Variants in JAK2 observed in about 807,000 individuals in gnomAD.
The protein encoded by JAK2 is tyrosine-protein kinase JAK2.
In JAK2, 86 loss-of-function variants were observed where a neutral mutation model predicts 139.3. The ratio of observed to expected loss-of-function variants is 0.62; its 90% confidence interval spans 0.52 to 0.74. JAK2 has a LOEUF of 0.74. Ranked by LOEUF, JAK2 falls within the 30% of genes least tolerant of loss-of-function variation. The probability of loss-of-function intolerance (pLI) is 0.00; values close to 1 mark genes in which losing one functional copy is unlikely to be tolerated. For missense variants in JAK2, 1,421 were observed against 1,360.3 expected (o/e 1.04, Z -0.70); for synonymous variants, 490 against 437.7 (o/e 1.12, Z -1.49).
In JAK2 at chr9:5,027,958, G is replaced by A. The variant is rs182450793; in HGVS notation, c.227-1825G>A. Reference sequence around the variant, plus strand: ...AAATCCCTCAAAGATACCCATGAGAGCCAGAATCAGCTTCTTCCAAACTCC... The same window carrying A: ...AAATCCCTCAAAGATACCCATGAGAACCAGAATCAGCTTCTTCCAAACTCC... On this transcript the variant is annotated intron_variant, in intron 3 of 24. Coordinates refer to ENST00000381652, the MANE Select transcript of JAK2 (RefSeq NM_004972.4). Among the ~76,000 whole-genome samples, 546 of 152,296 alleles carry A rather than the reference G, an allele frequency of 3.6e-3. 4 individuals are homozygous for A. Among genetic ancestry groups the A allele is most frequent in the African/African-American group, 0.013 (524 of 41,556 alleles).
In JAK2 at chr9:5,081,806, G is replaced by A. The variant is rs747381013; in HGVS notation, c.2516G>A (p.Arg839Gln). The change falls in exon 19 of 25, where the codon CGG becomes CAG. Residue 839 changes from arginine to glutamine, a missense_variant. Physicochemically the swap from Arg to Gln is conservative, Grantham distance 43. Transcript: ENST00000381652. ...ALGFSGAFED[R>Q]DPTQFEERHL... ...GGGTTTTCTGGTGCCTTTGAAGACC[G>A]GGATCCTACACAGTTTGAAGAGAGA... 39 of 1,612,700 alleles carry A rather than the reference G, an allele frequency of 2.4e-5. No individual in the cohort carries two copies. Among genetic ancestry groups the A allele is most frequent in the Middle Eastern group, 1.6e-4 (1 of 6,082 alleles).
At position 5,054,704 on chromosome 9, in the gene JAK2, T is replaced by C. The variant is rs749775525; in HGVS notation, c.756T>C (p.Leu252=). 6.2e-7 allele frequency: 1 copy of C among 1,613,392 alleles called. No individual in the cohort carries two copies. The highest frequency in any genetic ancestry group is 1.1e-5 in the South Asian group (1 of 91,046). ...AAGCCACTGCCAGAAACTTGAAACTTAAGTATCTTATAAATCTGGAAACTC... is the reference window on the plus strand; with the variant it reads ...AAGCCACTGCCAGAAACTTGAAACTCAAGTATCTTATAAATCTGGAAACTC... ...QCKATARNLK[L]KYLINLETLQ... Residue 252 remains leucine, a synonymous_variant, in exon 7 of 25, where the codon CTT becomes CTC. Transcript: ENST00000381652. The surrounding 1 kb of genome is among the most constrained non-coding windows in gnomAD (Gnocchi z 4.9).
chr9:5,037,842 A>C (rs939337900), intron 4 of JAK2, among the ~76,000 whole-genome samples: 12 of 152,254 alleles, frequency 7.9e-5, no homozygotes, highest in Non-Finnish European at 1.5e-4. Context: ...TGTACCCTAA[A>C]ACTTAAAGTA....
Position 5,123,100 on chromosome 9 carries a change from G to T in JAK2, c.3156G>T (p.Glu1052Asp). ...VVLYELFTYI[E>D]KSKSPPAEFM... ...TGTATGAACTTTTCACATACATTGAGAAGAGTAAAAGTCCACCAGCGGTCA... is the reference window on the plus strand; with the variant it reads ...TGTATGAACTTTTCACATACATTGATAAGAGTAAAAGTCCACCAGCGGTCA... Residue 1052 changes from glutamate (E) to aspartate (D), a missense_variant, in exon 23 of 25, where the codon GAG (glutamate) becomes GAT (aspartate). By Grantham distance (45) the Glu-to-Asp change is conservative (BLOSUM62 2). Coordinates refer to ENST00000381652, the MANE Select transcript of JAK2 (RefSeq NM_004972.4). 1 of 1,606,048 alleles carries T rather than the reference G, an allele frequency of 6.2e-7. No individual in the cohort carries two copies. Among genetic ancestry groups the T allele is most frequent in the East Asian group, 2.2e-5 (1 of 44,810 alleles).
At chr9:5,040,600 A>G (rs1488237683) in intron 4 of JAK2, among the ~76,000 whole-genome samples, 1 of 152,268 alleles carries the variant, frequency 6.6e-6, no homozygotes, top group Non-Finnish European at 1.5e-5. Context: ...ATATAAAAGA[A>G]TTCTTACAGC....
chr9:5,065,751 G>T (rs1215331105), intron 9 of JAK2, among the ~76,000 whole-genome samples: 2 of 152,090 alleles, frequency 1.3e-5, no homozygotes, highest in Non-Finnish European at 2.9e-5. Flanking sequence ...TCTTAGCTAG[G>T]ATGTGGTTTA....
chr9:5,020,085 C>T (rs991283457), intron 2 of JAK2, among the ~76,000 whole-genome samples: 1 of 152,158 alleles, frequency 6.6e-6, no homozygotes, highest in Non-Finnish European at 1.5e-5. Context: ...CCACAGGCCC[C>T]TGGGCAGTGA....
intron 22 of JAK2, among the ~76,000 whole-genome samples, chr9:5,101,726 C>T (rs772698267): frequency 6.6e-6 from 1 of 152,346 alleles, no homozygotes; most frequent in Non-Finnish European, 1.5e-5. Flanking sequence ...ATTTGCTGTT[C>T]TGCAGCCTCC....
intron 7 of JAK2, 55 bp from the exon 8 acceptor site, chr9:5,055,614 T>C: frequency 7.2e-6 from 10 of 1,389,086 alleles, no homozygotes; most frequent in Middle Eastern, 2.4e-4. Flanking sequence ...AGTCTTGTTT[T>C]AAAATGGCTC....
intron 6 of JAK2, among the ~76,000 whole-genome samples, chr9:5,053,901 T>C (rs1345129306): frequency 2.0e-5 from 3 of 151,974 alleles, no homozygotes; most frequent in East Asian, 3.8e-4. Flanking sequence ...TTAGCATATA[T>C]TACGGCATGG....
intron 22 of JAK2, among the ~76,000 whole-genome samples, chr9:5,117,367 C>T (rs770064631): frequency 6.6e-6 from 1 of 152,134 alleles, no homozygotes; most frequent in Non-Finnish European, 1.5e-5. Context: ...TGGTGAGATT[C>T]ATATTTTAGA....
At chr9:5,097,751 A>G (rs935687787) in intron 22 of JAK2, 2 of 152,104 alleles carry the variant, frequency 1.3e-5, no homozygotes, top group Admixed American at 6.6e-5. Flanking sequence ...TCATCACTAG[A>G]TATTATTTTA....
At chr9:5,023,471 G>C (rs1372044686) in intron 3 of JAK2, among the ~76,000 whole-genome samples, 1 of 152,126 alleles carries the variant, frequency 6.6e-6, no homozygotes, top group African/African-American at 2.4e-5. Context: ...TTCCTCACTG[G>C]AATAGGAAAT....
chr9:5,005,969 C>T (rs1031889786), intron 2 of JAK2, among the ~76,000 whole-genome samples: 6 of 152,234 alleles, frequency 3.9e-5, no homozygotes, highest in East Asian at 3.9e-4. Context: ...ATTGACCTGG[C>T]GATGCAGGCT....
chr9:5,058,361 T>G (rs978682642), intron 8 of JAK2, among the ~76,000 whole-genome samples: 1 of 152,118 alleles, frequency 6.6e-6, no homozygotes, highest in African/African-American at 2.4e-5. Context: ...ATGTCTTACA[T>G]GGCAGCAGAA....
chr9:5,090,951 C>T (rs1311921692), intron 22 of JAK2, 40 bp downstream of exon 22: 3 of 1,343,276 alleles, frequency 2.2e-6, no homozygotes, highest in Non-Finnish European at 3.1e-6. Context: ...TTTTAGAGCA[C>T]AGACTTCAAA....
intron 22 of JAK2, chr9:5,097,451 A>G (rs920612580): frequency 6.6e-6 from 1 of 152,152 alleles, no homozygotes; most frequent in African/African-American, 2.4e-5. Context: ...GGAAAAAAGG[A>G]GCCATTTGGG....
In JAK2 at chr9:5,071,567, G is replaced by A. The variant is rs190327517; in HGVS notation, c.1642-925G>A. On this transcript the variant is annotated intron_variant, in intron 12 of 24. Coordinates refer to ENST00000381652, the MANE Select transcript of JAK2 (RefSeq NM_004972.4). ...GAAAAGTAAATTACTTATAGCTGAA[G>A]AGAGATGTAGTGAACCTCAAGACAG... Among the ~76,000 whole-genome samples the A allele has an allele frequency of 3.9e-5, 6 of 152,268 alleles. No homozygotes were observed. The East Asian group carries it at 9.6e-4, about 24-fold the overall frequency.
chr9:5,015,096 GCATAAAGCT>G (rs1451460990), intron 2 of JAK2, among the ~76,000 whole-genome samples: 29 of 152,098 alleles, frequency 1.9e-4, no homozygotes, highest in Non-Finnish European at 3.5e-4. Flanking sequence ...TATCCATGTT[GCATAAAGCT>G]ATAGTTCATT....
Sources: gnomAD v4.1 joint callset for allele counts (sites outside exome capture counted in the v4.1 genomes callset) on GRCh38, gnomAD v4.1.1 for gene constraint, Gnocchi (gnomAD v3.1) non-coding constraint, MANE v1.5 for transcripts, NCBI Gene and HGNC (gene_info 2026-07-23, HGNC 2026-07-21) for gene names.